Variants in GFOD1 observed in about 807,000 individuals in gnomAD.
GFOD1 encodes the protein glucose-fructose oxidoreductase domain-containing protein 1.
Under a neutral mutation model 25.4 loss-of-function variants are expected in GFOD1, and 9 were observed. That is an observed-to-expected ratio of 0.35 (90% CI 0.21 to 0.62). The LOEUF (loss-of-function observed/expected upper bound fraction) is 0.62. Ranked by LOEUF, GFOD1 falls within the 20% of genes least tolerant of loss-of-function variation. The pLI is 0.72. For synonymous variants in GFOD1, 253 were observed against 245.6 expected, an observed-to-expected ratio of 1.03 and a Z score of -0.28; for missense variants, 403 against 556.9, an observed-to-expected ratio of 0.72 and a Z score of 2.78.
chr6:13,366,625 C>T (rs961464699), intron 1 of GFOD1, among the ~76,000 whole-genome samples: 7 of 151,794 alleles, frequency 4.6e-5, no homozygotes, highest in South Asian at 2.1e-4. Flanking sequence ...TGAGCCACTG[C>T]GCCCAGCCAT....
At chr6:13,425,464 C>T (rs1410040065) in intron 1 of GFOD1, among the ~76,000 whole-genome samples, 1 of 152,178 alleles carries the variant, frequency 6.6e-6, no homozygotes, top group African/African-American at 2.4e-5. Flanking sequence ...TGATGTTCCC[C>T]AGGCCAGAGC....
intron 1 of GFOD1, among the ~76,000 whole-genome samples, chr6:13,375,896 T>C (rs2127557312): frequency 6.6e-6 from 1 of 152,334 alleles, no homozygotes; most frequent in African/African-American, 2.4e-5. Context: ...TGTTACCTTA[T>C]TGGTAAATCC....
chr6:13,437,453 C>G (rs1427332056), intron 1 of GFOD1, among the ~76,000 whole-genome samples: 2 of 152,202 alleles, frequency 1.3e-5, no homozygotes, highest in Non-Finnish European at 2.9e-5. Context: ...ATGGAAGCCA[C>G]TAACCACATG....
chr6:13,381,289 A>G (rs1785357336), intron 1 of GFOD1, among the ~76,000 whole-genome samples: 1 of 152,248 alleles, frequency 6.6e-6, no homozygotes, highest in African/African-American at 2.4e-5. Context: ...CACTCATTCA[A>G]AATCTGAAAA....
At chr6:13,483,045 G>C (rs1758788081) in intron 1 of GFOD1, among the ~76,000 whole-genome samples, 1 of 151,970 alleles carries the variant, frequency 6.6e-6, no homozygotes, top group South Asian at 2.1e-4. Flanking sequence ...CAGGGACTAG[G>C]GGACATTCAG....
chr6:13,421,684 G>C (rs961677256), intron 1 of GFOD1, among the ~76,000 whole-genome samples: 3 of 151,926 alleles, frequency 2.0e-5, no homozygotes, highest in African/African-American at 7.3e-5. Flanking sequence ...CCCTCCCAGA[G>C]GCAAGTGAAA....
intron 1 of GFOD1, among the ~76,000 whole-genome samples, chr6:13,398,053 C>T (rs758354674): frequency 3.9e-5 from 6 of 152,164 alleles, no homozygotes; most frequent in African/African-American, 9.7e-5. Flanking sequence ...GAGCCTCTGC[C>T]GCTGGGTTTG....
intron 1 of GFOD1, among the ~76,000 whole-genome samples, chr6:13,433,660 G>T (rs1018642106): frequency 8.5e-5 from 13 of 152,240 alleles, no homozygotes; most frequent in African/African-American, 3.1e-4. Flanking sequence ...GTGGGGTTGG[G>T]GTGGGGGAAG....
intron 1 of GFOD1, among the ~76,000 whole-genome samples, chr6:13,466,317 C>T (rs1413482612): frequency 3.3e-5 from 5 of 152,208 alleles, no homozygotes; most frequent in Non-Finnish European, 7.3e-5. Context: ...ATTTCTTTTC[C>T]TTTCAAGACC....
chr6:13,387,573 C>T (rs1785500346), intron 1 of GFOD1, among the ~76,000 whole-genome samples: 1 of 152,204 alleles, frequency 6.6e-6, no homozygotes, highest in Non-Finnish European at 1.5e-5. Context: ...AACAGCCCTT[C>T]ATGCTAAAAA....
intron 1 of GFOD1, among the ~76,000 whole-genome samples, chr6:13,457,804 G>A (rs2127574883): frequency 6.6e-6 from 1 of 152,320 alleles, no homozygotes; most frequent in South Asian, 2.1e-4. Flanking sequence ...GCTTCCACTG[G>A]CTTGGCTCAG....
At chr6:13,454,023 G>A (rs992377273) in intron 1 of GFOD1, among the ~76,000 whole-genome samples, 1 of 152,232 alleles carries the variant, frequency 6.6e-6, no homozygotes, top group Admixed American at 6.5e-5. Context: ...GAAGTCATGA[G>A]GGTTGGCCCT....
chr6:13,397,709 T>C (rs1785762619), intron 1 of GFOD1, among the ~76,000 whole-genome samples: 3 of 152,226 alleles, frequency 2.0e-5, no homozygotes, highest in Admixed American at 6.5e-5. Flanking sequence ...GTCTTAGGAA[T>C]GAGCAGAAGA....
chr6:13,427,508 C>T (rs1179069358), intron 1 of GFOD1, among the ~76,000 whole-genome samples: 4 of 151,974 alleles, frequency 2.6e-5, no homozygotes, highest in South Asian at 2.1e-4. Flanking sequence ...AAAATTAGCC[C>T]GGCATGGTGG....
rs144235805 is a variant in GFOD1, at chr6:13,378,760, G to A, written c.254-13098C>T. Among the ~76,000 whole-genome samples, 74 of 152,240 alleles carry A rather than the reference G, an allele frequency of 4.9e-4. 1 individual carries two copies. Among genetic ancestry groups the A allele is most frequent in the African/African-American group, 1.4e-3 (58 of 41,526 alleles). On this transcript the variant is annotated intron_variant, in intron 1 of 1. Transcript: ENST00000379287. Reference sequence around the variant, plus strand: ...TAGGTGCCAGCAGGAAAGCCACTGCGGGATCACATTAACCCCACCTCCTGC... The same window carrying A: ...TAGGTGCCAGCAGGAAAGCCACTGCAGGATCACATTAACCCCACCTCCTGC...
intron 1 of GFOD1, among the ~76,000 whole-genome samples, chr6:13,372,903 G>A (rs2127556241): frequency 6.6e-6 from 1 of 152,292 alleles, no homozygotes; most frequent in African/African-American, 2.4e-5. Context: ...AAGCCAAAAC[G>A]GATGCTAGTT....
At chr6:13,416,906 G>GA (rs1786172422) in intron 1 of GFOD1, among the ~76,000 whole-genome samples, 2 of 152,274 alleles carry the variant, frequency 1.3e-5, no homozygotes, top group South Asian at 4.1e-4. Context: ...TAAAGGAAAA[G>GA]AAAGTGGTCA....
At chr6:13,446,741 G>T (rs1229167607) in intron 1 of GFOD1, among the ~76,000 whole-genome samples, 1 of 152,238 alleles carries the variant, frequency 6.6e-6, no homozygotes, top group Non-Finnish European at 1.5e-5. Flanking sequence ...CCAAGAAAAA[G>T]GGTAAGGGCC....
chr6:13,409,153 G>A (rs774012188), intron 1 of GFOD1, among the ~76,000 whole-genome samples: 1,870 of 44,196 alleles, frequency 0.042, 364 homozygotes, highest in African/African-American at 0.067. Context: ...AAGAAAGAGA[G>A]GAAAGAAAGA....
Sources: gnomAD v4.1 joint callset for allele counts (sites outside exome capture counted in the v4.1 genomes callset) on GRCh38, gnomAD v4.1.1 for gene constraint, MANE v1.5 for transcripts, NCBI Gene and HGNC (gene_info 2026-07-23, HGNC 2026-07-21) for gene names.